Variants in PRPF18 observed in about 807,000 individuals in gnomAD.
PRPF18 encodes the protein pre-mRNA processing factor 18.
A neutral mutation model predicts 46.5 loss-of-function variants in PRPF18; 38 were observed. The observed-to-expected ratio is 0.82, with a 90% CI of 0.63 to 1.07. PRPF18 has a LOEUF of 1.07. PRPF18 is among the 50% of genes least tolerant of loss of function. The pLI is 0.00. For synonymous variants in PRPF18, 152 were observed against 146.7 expected (o/e 1.04, Z -0.26); for missense variants, 263 against 410.0 (o/e 0.64, Z 3.10).
chr10:13,612,333 C>T (rs1339134796), intron 6 of PRPF18, among the ~76,000 whole-genome samples: 1 of 152,066 alleles, frequency 6.6e-6, no homozygotes, highest in Admixed American at 6.6e-5. Flanking sequence ...AATGCAGTGG[C>T]ACCATCTCGG....
chr10:13,591,476 G>A, intron 1 of PRPF18: 1 of 637,546 alleles, frequency 1.6e-6, no homozygotes, highest in East Asian at 2.6e-5. Flanking sequence ...CAATTTGTGA[G>A]GATAAATTCC....
chr10:13,645,820 A>G, the PRPF18 span: 1 of 152,814 alleles, frequency 6.5e-6, no homozygotes, highest in Non-Finnish European at 1.5e-5. Flanking sequence ...GAGCCACGAC[A>G]GTTAAACACT....
the PRPF18 span, among the ~76,000 whole-genome samples, chr10:13,650,259 A>G: frequency 6.6e-6 from 1 of 152,188 alleles, no homozygotes; most frequent in East Asian, 1.9e-4. Context: ...CTGGTGGCAC[A>G]TACTGGGGTT....
chr10:13,618,126 G>A (rs755019831), intron 9 of PRPF18, among the ~76,000 whole-genome samples: 3 of 152,126 alleles, frequency 2.0e-5, no homozygotes, highest in Non-Finnish European at 4.4e-5. Context: ...ACCGAAGGAT[G>A]GGTTTATCAG....
intron 1 of PRPF18, among the ~76,000 whole-genome samples, chr10:13,595,496 T>A (rs543281459): frequency 4.0e-4 from 61 of 152,352 alleles, no homozygotes; most frequent in African/African-American, 1.4e-3. Context: ...CAATTTTAGA[T>A]GCCGAAATAA....
the PRPF18 span, chr10:13,647,505 AC>A: frequency 2.0e-5 from 3 of 150,818 alleles, no homozygotes; most frequent in African/African-American, 7.5e-5. Context: ...CCTCCGTGAG[AC>A]CCCAGGGCTA....
intron 9 of PRPF18, among the ~76,000 whole-genome samples, chr10:13,627,001 C>G (rs1021651080): frequency 2.6e-5 from 4 of 152,130 alleles, no homozygotes; most frequent in Non-Finnish European, 1.5e-5. Flanking sequence ...CTGAATTATT[C>G]CAGTGTCTTC....
At chr10:13,644,809 A>AG in the PRPF18 span, 1 of 152,210 alleles carries the variant, frequency 6.6e-6, no homozygotes, top group Admixed American at 6.5e-5. Context: ...AAAAAAAAAA[A>AG]TCACTGTTCT....
chr10:13,612,341 C>T (rs1206190811), intron 6 of PRPF18, among the ~76,000 whole-genome samples: 5 of 152,146 alleles, frequency 3.3e-5, no homozygotes, highest in African/African-American at 4.8e-5. Flanking sequence ...GGCACCATCT[C>T]GGCTTGCTGC....
At chr10:13,600,123 G>T in intron 2 of PRPF18, 121 bp from the exon 3 acceptor site, 1 of 746,256 alleles carries the variant, frequency 1.3e-6, no homozygotes, top group South Asian at 2.1e-5. Context: ...TTTGCTCAGA[G>T]GAATATTAGA....
At chr10:13,604,910 A>C (rs2080162920) in intron 3 of PRPF18, among the ~76,000 whole-genome samples, 1 of 152,252 alleles carries the variant, frequency 6.6e-6, no homozygotes, top group African/African-American at 2.4e-5. Flanking sequence ...TAATTATGTA[A>C]AATGAGGGCC....
At position 13,616,600 on chromosome 10, in the gene PRPF18, C is replaced by T. The variant is rs536967656; in HGVS notation, c.948+47C>T. On this transcript the variant is annotated intron_variant, in intron 9 of 9. Transcript: ENST00000378572. ...GAATTGCCCTGGAAGTGAATATTCT[C>T]TAATTCCCAAAACTCTAAGTCTGGA... The T allele has an allele frequency of 3.1e-6, 5 of 1,594,706 alleles. No homozygotes were observed. The African/African-American group carries it at 6.7e-5, about 21-fold the overall frequency.
chr10:13,601,959 G>A (rs1160428714), intron 3 of PRPF18, among the ~76,000 whole-genome samples: 1 of 152,174 alleles, frequency 6.6e-6, no homozygotes, highest in African/African-American at 2.4e-5. Flanking sequence ...TTATACATAT[G>A]TCTTGATATT....
At chr10:13,621,979 C>G (rs953055670) in intron 9 of PRPF18, among the ~76,000 whole-genome samples, 2 of 151,938 alleles carry the variant, frequency 1.3e-5, no homozygotes, top group East Asian at 3.9e-4. Flanking sequence ...CACGTGTTAC[C>G]AAAACTGGTA....
intron 4 of PRPF18, among the ~76,000 whole-genome samples, chr10:13,606,295 A>G (rs199971142): frequency 6.6e-6 from 1 of 152,228 alleles, no homozygotes; most frequent in South Asian, 2.1e-4. Context: ...ATGGACTCAT[A>G]GATTGTGTGT....
At chr10:13,621,343 T>C (rs1182340479) in intron 9 of PRPF18, among the ~76,000 whole-genome samples, 1 of 152,204 alleles carries the variant, frequency 6.6e-6, no homozygotes, top group Non-Finnish European at 1.5e-5. Flanking sequence ...AGGCATTTTG[T>C]AGGTTGGAGA....
At position 13,613,974 on chromosome 10, in the gene PRPF18, A is replaced by G. The variant is rs1329703596; in HGVS notation, c.721-41A>G. The G allele has an allele frequency of 8.3e-6, 13 of 1,557,278 alleles. No individual in the cohort carries two copies. In the South Asian group the frequency reaches 1.6e-4, roughly 19 times the overall value. On this transcript the variant is annotated intron_variant, in intron 7 of 9. Coordinates refer to ENST00000378572, the MANE Select transcript of PRPF18 (RefSeq NM_003675.4). Reference sequence around the variant, plus strand: ...CAGTCTGTTTTTTCCCTATACATCTATACATAGTAGCTTCCAAAATTTCTT... The same window carrying G: ...CAGTCTGTTTTTTCCCTATACATCTGTACATAGTAGCTTCCAAAATTTCTT...
chr10:13,626,500 C>G (rs1300302731), intron 9 of PRPF18, among the ~76,000 whole-genome samples: 1 of 152,122 alleles, frequency 6.6e-6, no homozygotes, highest in East Asian at 1.9e-4. Flanking sequence ...ATTGATTTCA[C>G]TAAAAATGTG....
At position 13,597,605 on chromosome 10, in the gene PRPF18, A is replaced by G. The variant is rs2080053984; in HGVS notation, c.144+70A>G. ...AAATTTATACAGCTGTTGTTAAATG[A>G]CAATCATTGATCTCTGTTCAATTTA... On this transcript the variant is annotated intron_variant, in intron 2 of 9. Coordinates refer to ENST00000378572, the MANE Select transcript of PRPF18 (RefSeq NM_003675.4). 3 of 1,601,148 alleles carry G rather than the reference A, an allele frequency of 1.9e-6. No individual in the cohort carries two copies. In the South Asian group the frequency reaches 3.3e-5, roughly 18 times the overall value.
Sources: allele counts gnomAD v4.1 joint callset (sites outside exome capture counted in the v4.1 genomes callset), GRCh38; gene constraint gnomAD v4.1.1; transcripts MANE v1.5; gene names NCBI Gene and HGNC (gene_info 2026-07-23, HGNC 2026-07-21).